The following CDH18 variants were observed in gnomAD, a reference collection of about 807,000 sequenced individuals.
CDH18 encodes the protein cadherin 18, also known as cadherin-18.
A neutral mutation model predicts 67.9 loss-of-function variants in CDH18; 31 were observed. The observed-to-expected ratio is 0.46, with a 90% CI of 0.34 to 0.62. The LOEUF (loss-of-function observed/expected upper bound fraction) is 0.62, where lower values mean the gene tolerates loss of function less well. CDH18 is among the 20% of genes least tolerant of loss of function. The probability of loss-of-function intolerance (pLI) is 0.01; values close to 1 mark genes in which losing one functional copy is unlikely to be tolerated. For missense variants in CDH18, 890 were observed against 975.5 expected (o/e 0.91, Z 1.17); for synonymous variants, 362 against 347.2 (o/e 1.04, Z -0.48).
intron 2 of CDH18, among the ~76,000 whole-genome samples, chr5:20,127,340 A>G (rs1187737199): frequency 4.6e-5 from 7 of 152,188 alleles, no homozygotes; most frequent in African/African-American, 1.7e-4. Context: ...CTGTGAGTCA[A>G]TGAAGCCAAT....
At chr5:20,571,470 A>G (rs2126672874) in intron 1 of CDH18, among the ~76,000 whole-genome samples, 1 of 152,260 alleles carries the variant, frequency 6.6e-6, no homozygotes, top group South Asian at 2.1e-4. Flanking sequence ...AATAATTTAT[A>G]TTACCAAAAT....
intron 9 of CDH18, among the ~76,000 whole-genome samples, chr5:19,530,518 G>T (rs1023580271): frequency 6.6e-6 from 1 of 152,008 alleles, no homozygotes; most frequent in African/African-American, 2.4e-5. Flanking sequence ...GTGCCATGTT[G>T]GTGTGCTGCA....
intron 3 of CDH18, among the ~76,000 whole-genome samples, chr5:19,747,949 AAG>A (rs1257306807): frequency 2.0e-5 from 3 of 150,764 alleles, no homozygotes; most frequent in Admixed American, 1.3e-4. Context: ...TCTACTAAAA[AAG>A]TACAAAAAAA....
intron 3 of CDH18, among the ~76,000 whole-genome samples, chr5:19,830,816 A>G (rs1276189308): frequency 1.3e-5 from 2 of 152,124 alleles, no homozygotes; most frequent in Admixed American, 6.6e-5. Flanking sequence ...CTGGATAATG[A>G]CCATGCGGCA....
In CDH18 at chr5:19,484,561, C is replaced by T. The variant is rs141255440; in HGVS notation, c.1631-1009G>A. ...ATCCCTTCATAAAATTTCCTGTTGC[C>T]GTAGCTATAGATTGCCACCTGCCCC... is the stretch of plus-strand genomic sequence containing the variant. On this transcript the variant is annotated intron_variant, in intron 11 of 12. Transcript: ENST00000382275. Among the ~76,000 whole-genome samples the T allele has an allele frequency of 4.5e-4, 69 of 152,204 alleles. No homozygotes were observed. The East Asian group carries it at 0.013, about 28-fold the overall frequency.
At chr5:20,305,452 T>G in intron 1 of CDH18, 1 of 1,495,210 alleles carries the variant, frequency 6.7e-7, no homozygotes, top group South Asian at 1.1e-5. Flanking sequence ...TGGCCATGTT[T>G]TCGAACCTCC....
At chr5:19,875,117 T>C (rs545209272) in intron 2 of CDH18, among the ~76,000 whole-genome samples, 2 of 152,310 alleles carry the variant, frequency 1.3e-5, no homozygotes, top group Middle Eastern at 3.4e-3. Flanking sequence ...ATCCTCTTAA[T>C]AGTAGATACC....
rs564401855 is a variant in CDH18 at position 19,921,584 on chromosome 5, C to T, written c.-257+59476G>A. On this transcript the variant is annotated intron_variant, in intron 2 of 12. Coordinates refer to ENST00000382275, the MANE Select transcript of CDH18 (RefSeq NM_004934.5). ...ACATAATGGAGAAATATCTGTAATT[C>T]GTATCAAAGTCAATTGTTAATTATA... Among the ~76,000 whole-genome samples, 12 of 149,986 alleles carry T rather than the reference C, an allele frequency of 8.0e-5. No homozygotes were observed. In the East Asian group the frequency reaches 1.8e-3, roughly 22 times the overall value.
chr5:20,538,909 G>GTTTTGT (rs1756887325), intron 1 of CDH18, among the ~76,000 whole-genome samples: 2 of 118,752 alleles, frequency 1.7e-5, no homozygotes, highest in African/African-American at 6.7e-5. Flanking sequence ...TTTTTTTTTT[G>GTTTTGT]TTTTTTTTTT....
intron 2 of CDH18, among the ~76,000 whole-genome samples, chr5:20,213,783 T>A (rs1041857036): frequency 6.6e-6 from 1 of 152,124 alleles, no homozygotes; most frequent in Non-Finnish European, 1.5e-5. Context: ...TTCTCTTTTC[T>A]TATTAGTCTA....
chr5:19,855,792 T>G (rs1427993370), intron 2 of CDH18, among the ~76,000 whole-genome samples: 1 of 152,180 alleles, frequency 6.6e-6, no homozygotes, highest in Non-Finnish European at 1.5e-5. Flanking sequence ...AATAAGAGCT[T>G]ATCAACTATT....
At chr5:19,694,169 T>C (rs1762251315) in intron 5 of CDH18, among the ~76,000 whole-genome samples, 1 of 152,174 alleles carries the variant, frequency 6.6e-6, no homozygotes, top group South Asian at 2.1e-4. Context: ...CAATAGTGTA[T>C]GTATCTTTAA....
chr5:19,626,588 A>G (rs1446328841), intron 5 of CDH18, among the ~76,000 whole-genome samples: 1 of 152,096 alleles, frequency 6.6e-6, no homozygotes, highest in Admixed American at 6.6e-5. Flanking sequence ...ACAGTTATTA[A>G]TTCCTTCAGT....
chr5:19,657,349 G>C (rs1756545030), intron 5 of CDH18, among the ~76,000 whole-genome samples: 1 of 151,994 alleles, frequency 6.6e-6, no homozygotes, highest in African/African-American at 2.4e-5. Flanking sequence ...AAGTTTTTCA[G>C]TAACATTAAC....
chr5:20,044,212 T>A (rs1338602422), intron 2 of CDH18, among the ~76,000 whole-genome samples: 1 of 152,070 alleles, frequency 6.6e-6, no homozygotes, highest in Admixed American at 6.6e-5. Context: ...GCCTATTAAA[T>A]GTACAAGTTA....
At chr5:19,848,362 G>A (rs146653670) in intron 2 of CDH18, among the ~76,000 whole-genome samples, 4 of 152,250 alleles carry the variant, frequency 2.6e-5, no homozygotes, top group South Asian at 2.1e-4. Context: ...TTACCAGGGC[G>A]AGGTATTATG....
At chr5:20,427,042 TA>T (rs960606083) in intron 1 of CDH18, among the ~76,000 whole-genome samples, 1 of 151,218 alleles carries the variant, frequency 6.6e-6, no homozygotes, top group African/African-American at 2.5e-5. Flanking sequence ...AATTACTCAT[TA>T]AGTGGCAGAT....
chr5:20,053,654 T>C (rs1055236798), intron 2 of CDH18, among the ~76,000 whole-genome samples: 2 of 152,104 alleles, frequency 1.3e-5, no homozygotes, highest in Admixed American at 6.6e-5. Flanking sequence ...AATCCAAAGG[T>C]ACAGATGTAG....
At position 19,721,446 on chromosome 5, in the gene CDH18, T is replaced by A; in HGVS notation, c.544A>T (p.Thr182Ser). ...GTAGGGTCATCTGCATCAGTAGCTG[T>A]CACCTGTAGAACAGAGGTACCTGTG... ...SDMGTSVLQV[T>S]ATDADDPTYG... Residue 182 changes from threonine (T) to serine (S), a missense_variant, in exon 5 of 13, where the codon ACA (threonine) becomes TCA (serine). Coordinates refer to ENST00000382275, the MANE Select transcript of CDH18 (RefSeq NM_004934.5). The A allele has an allele frequency of 6.2e-7, 1 of 1,612,036 alleles. No homozygotes were observed. The highest frequency in any genetic ancestry group is 1.1e-5 in the South Asian group (1 of 90,902).
Sources: gnomAD v4.1 joint callset for allele counts (sites outside exome capture counted in the v4.1 genomes callset) on GRCh38, gnomAD v4.1.1 for gene constraint, MANE v1.5 for transcripts, NCBI Gene and HGNC (gene_info 2026-07-23, HGNC 2026-07-21) for gene names.